PRKN: variants seen among roughly 807,000 people sequenced by gnomAD.
The protein encoded by PRKN is parkin RBR E3 ubiquitin protein ligase.
A neutral mutation model predicts 59.5 loss-of-function variants in PRKN; 56 were observed. The ratio of observed to expected loss-of-function variants is 0.94; its 90% CI spans 0.76 to 1.18. The LOEUF is 1.18. PRKN is among the 50% of genes most tolerant of loss of function. PRKN has a pLI of 0.00. For missense variants in PRKN, 657 were observed against 596.4 expected, an observed-to-expected ratio of 1.10 and a Z score of -1.06; for synonymous variants, 250 against 222.1, an observed-to-expected ratio of 1.13 and a Z score of -1.12.
intron 2 of PRKN, among the ~76,000 whole-genome samples, chr6:162,441,587 C>T (rs1790054302): frequency 6.6e-6 from 1 of 152,022 alleles, no homozygotes; most frequent in African/African-American, 2.4e-5. Flanking sequence ...AATTGTTGAA[C>T]CTGTAAAAAT....
At chr6:161,805,884 A>T (rs2128211980) in intron 6 of PRKN, among the ~76,000 whole-genome samples, 1 of 151,960 alleles carries the variant, frequency 6.6e-6, no homozygotes, top group South Asian at 2.1e-4. Flanking sequence ...GGCCTGGAAC[A>T]CTCTAAATGC....
intron 1 of PRKN, among the ~76,000 whole-genome samples, chr6:162,679,050 C>T (rs938391826): frequency 1.3e-5 from 2 of 149,314 alleles, no homozygotes; most frequent in African/African-American, 2.5e-5. Flanking sequence ...TGCGGGATTA[C>T]AGACGTGAGC....
chr6:161,788,987 A>G (rs1388723827), intron 6 of PRKN, among the ~76,000 whole-genome samples: 5 of 152,210 alleles, frequency 3.3e-5, no homozygotes, highest in African/African-American at 1.2e-4. Context: ...TGCTGCCTTT[A>G]TACACACACA....
At position 161,402,584 on chromosome 6, in the gene PRKN, T is replaced by A. The variant is rs757211832; in HGVS notation, c.1084-15707A>T. On this transcript the variant is annotated intron_variant, in intron 9 of 11. Transcript: ENST00000366898. This position sits in a 1 kb window ranked among gnomAD's most constrained non-coding sequence, Gnocchi z 4.5. The stretch of plus-strand genomic sequence containing the variant: ...CAGGTTCTTTGGCTGGGCTATTGAT[T>A]AAAATGGCATATAAACAGATTAACA... 6.6e-6 allele frequency among the ~76,000 whole-genome samples: 1 copy of A among 151,992 alleles called. No homozygotes were observed. The highest frequency in any genetic ancestry group is 1.5e-5 in the Non-Finnish European group (1 of 67,994).
At chr6:162,073,969 A>G (rs1192880922) in intron 4 of PRKN, among the ~76,000 whole-genome samples, 1 of 152,016 alleles carries the variant, frequency 6.6e-6, no homozygotes, top group Non-Finnish European at 1.5e-5. Flanking sequence ...ATCATTAAAA[A>G]GTCAGGAAAC....
chr6:162,027,947 A>T (rs1185835822), intron 5 of PRKN, among the ~76,000 whole-genome samples: 3 of 151,810 alleles, frequency 2.0e-5, no homozygotes, highest in Non-Finnish European at 4.4e-5. Flanking sequence ...TTCATACTAG[A>T]TGTTTTGATT....
chr6:161,862,897 ACAAGACAC>A (rs1314291808), intron 6 of PRKN, among the ~76,000 whole-genome samples: 5 of 152,226 alleles, frequency 3.3e-5, no homozygotes, highest in Non-Finnish European at 7.3e-5. Flanking sequence ...TGTCAGAGGT[ACAAGACAC>A]CATGATCATA....
In PRKN at chr6:162,560,953, T is replaced by C. The variant is rs1779814649; in HGVS notation, c.8-117480A>G. Among the ~76,000 whole-genome samples, 3 of 150,444 alleles carry C rather than the reference T, an allele frequency of 2.0e-5. No individual in the cohort carries two copies. The South Asian group carries it at 6.3e-4, about 32-fold the overall frequency. The stretch of plus-strand genomic sequence containing the variant: ...GGTGATAACAGAGATCATTTCCAGG[T>C]AACAGAAAAGACTTTATAAAAGGGT... On this transcript the variant is annotated intron_variant, in intron 1 of 11. Transcript: ENST00000366898.
intron 6 of PRKN, among the ~76,000 whole-genome samples, chr6:161,855,778 TA>T: frequency 6.6e-6 from 1 of 152,152 alleles, no homozygotes; most frequent in African/African-American, 2.4e-5. Flanking sequence ...CCCAACTGGA[TA>T]AGAACAATGT....
chr6:161,473,237 A>ATTGT lies in PRKN; in HGVS notation c.1083+75616_1083+75617insACAA, dbSNP rs1790881442. On this transcript the variant is annotated intron_variant, in intron 9 of 11. Coordinates refer to ENST00000366898, the MANE Select transcript of PRKN (RefSeq NM_004562.3). The surrounding 1 kb of genome is among the most constrained non-coding windows in gnomAD (Gnocchi z 4.1). ...ATTATTTACAATAGCAAGATATGCA[A>ATTGT]ACAACCTAAGTAAGCATCAAAGGAT... Among the ~76,000 whole-genome samples the ATTGT allele has an allele frequency of 1.3e-5, 2 of 152,224 alleles. No individual in the cohort carries two copies.
At chr6:162,437,564 T>C (rs1004197563) in intron 2 of PRKN, among the ~76,000 whole-genome samples, 1 of 152,152 alleles carries the variant, frequency 6.6e-6, no homozygotes, top group Non-Finnish European at 1.5e-5. Context: ...CCTTTCACAG[T>C]CGTACCCTCC....
rs1236418568 is a variant in PRKN, at chr6:161,402,472, C to T, written c.1084-15595G>A. Among the ~76,000 whole-genome samples the T allele has an allele frequency of 2.0e-5, 3 of 152,166 alleles. No homozygotes were observed. Among genetic ancestry groups the T allele is most frequent in the African/African-American group, 7.2e-5 (3 of 41,420 alleles). ...AAATGCCACAGACATTGCTGCCTCTCTACTAATAAATAGCTTTTTGGTCCC... is the reference window on the plus strand; with the variant it reads ...AAATGCCACAGACATTGCTGCCTCTTTACTAATAAATAGCTTTTTGGTCCC... On this transcript the variant is annotated intron_variant, in intron 9 of 11. Coordinates refer to ENST00000366898, the MANE Select transcript of PRKN (RefSeq NM_004562.3). This position sits in a 1 kb window ranked among gnomAD's most constrained non-coding sequence, Gnocchi z 4.5.
chr6:161,558,957 G>T (rs1394638396), intron 8 of PRKN, among the ~76,000 whole-genome samples: 1 of 150,556 alleles, frequency 6.6e-6, no homozygotes, highest in African/African-American at 2.4e-5. Flanking sequence ...GAAGTGAATT[G>T]GCTAGAGAAA....
At chr6:162,046,327 T>A (rs1227463932) in intron 5 of PRKN, among the ~76,000 whole-genome samples, 1 of 152,242 alleles carries the variant, frequency 6.6e-6, no homozygotes, top group Non-Finnish European at 1.5e-5. Flanking sequence ...GTAATATGCA[T>A]GATTTTGTTC....
chr6:162,473,991 A>G (rs1791885688), intron 1 of PRKN, among the ~76,000 whole-genome samples: 1 of 152,230 alleles, frequency 6.6e-6, no homozygotes, highest in African/African-American at 2.4e-5. Flanking sequence ...ATCCATTACC[A>G]TAATAAAGCA....
intron 2 of PRKN, among the ~76,000 whole-genome samples, chr6:162,279,556 T>C (rs1001537007): frequency 3.9e-5 from 6 of 152,116 alleles, no homozygotes; most frequent in Non-Finnish European, 4.4e-5. Flanking sequence ...AGACTGTTTG[T>C]TATGATTTCT....
chr6:161,437,173 C>A (rs1788952074), intron 9 of PRKN, among the ~76,000 whole-genome samples: 1 of 152,106 alleles, frequency 6.6e-6, no homozygotes, highest in South Asian at 2.1e-4. Flanking sequence ...TATAATGGTG[C>A]GAGGACCACG....
intron 3 of PRKN, among the ~76,000 whole-genome samples, chr6:162,239,356 C>A: frequency 6.6e-6 from 1 of 152,114 alleles, no homozygotes; most frequent in Non-Finnish European, 1.5e-5. Flanking sequence ...TTCCTACAAA[C>A]CTCTTTAACT....
At chr6:161,735,838 C>T (rs1035071843) in intron 7 of PRKN, among the ~76,000 whole-genome samples, 1 of 151,984 alleles carries the variant, frequency 6.6e-6, no homozygotes, top group Non-Finnish European at 1.5e-5. Flanking sequence ...TTGCTTGAAC[C>T]CGGGAGGCAG....
Sources: gnomAD v4.1 joint callset for allele counts (sites outside exome capture counted in the v4.1 genomes callset) on GRCh38, gnomAD v4.1.1 for gene constraint, Gnocchi (gnomAD v3.1) non-coding constraint, MANE v1.5 for transcripts, NCBI Gene and HGNC (gene_info 2026-07-23, HGNC 2026-07-21) for gene names.